Variants in OTOGL observed in about 807,000 individuals in gnomAD.
OTOGL encodes otogelin like, also known as otogelin-like protein.
OTOGL carries 285 observed loss-of-function variants against 318.5 expected under a neutral mutation model. That is an observed-to-expected ratio of 0.89 (90% CI 0.81 to 0.99). The LOEUF (loss-of-function observed/expected upper bound fraction) is 0.99, where lower values mean the gene tolerates loss of function less well. OTOGL is among the 50% of genes least tolerant of loss of function. OTOGL has a pLI of 0.00. For missense variants in OTOGL, 2,899 were observed against 2,845.6 expected, an observed-to-expected ratio of 1.02 and a Z score of -0.43; for synonymous variants, 987 against 936.5, an observed-to-expected ratio of 1.05 and a Z score of -0.99.
Position 80,377,839 on chromosome 12 carries a change from T to G in OTOGL, c.6862-9T>G. On this transcript the variant is annotated splice_polypyrimidine_tract_variant and intron_variant, in intron 58 of 58. Transcript: ENST00000547103. Reference sequence around the variant, plus strand: ...TTAAGACTTTTTTTCTCATTGTCACTTCTTACAGATAAATGTTGCATCTTG... The same window carrying G: ...TTAAGACTTTTTTTCTCATTGTCACGTCTTACAGATAAATGTTGCATCTTG... 1 of 1,595,266 alleles carries G rather than the reference T, an allele frequency of 6.3e-7. No homozygotes were observed. The highest frequency in any genetic ancestry group is 1.1e-5 in the South Asian group (1 of 89,514).
intron 38 of OTOGL, among the ~76,000 whole-genome samples, chr12:80,333,924 A>C (rs951982037): frequency 1.3e-5 from 2 of 152,188 alleles, no homozygotes; most frequent in Admixed American, 1.3e-4. Context: ...ACCTGTAAGT[A>C]ATAAAGGAAT....
intron 14 of OTOGL, 82 bp downstream of exon 14, chr12:80,253,656 T>A (rs1881773649): frequency 2.8e-6 from 3 of 1,055,870 alleles, no homozygotes; most frequent in Non-Finnish European, 4.2e-6. Flanking sequence ...TAAAGGAATA[T>A]ACTCATTACT....
chr12:80,266,781 A>C (rs1883012543), intron 21 of OTOGL, among the ~76,000 whole-genome samples, 165 bp downstream of exon 21: 1 of 152,124 alleles, frequency 6.6e-6, no homozygotes, highest in Admixed American at 6.6e-5. Flanking sequence ...GAAATAGCTA[A>C]GGAATCTCTG....
intron 1 of OTOGL, among the ~76,000 whole-genome samples, chr12:80,203,901 G>C (rs1351014982): frequency 6.6e-6 from 1 of 152,144 alleles, no homozygotes; most frequent in South Asian, 2.1e-4. Context: ...CTTCTAATAG[G>C]TTCGCTAGGT....
chr12:80,242,894 T>A (rs1287951516), intron 11 of OTOGL, among the ~76,000 whole-genome samples: 2 of 152,108 alleles, frequency 1.3e-5, no homozygotes, highest in Non-Finnish European at 2.9e-5. Flanking sequence ...ACATTTGACT[T>A]GGAACTTGTG....
At chr12:80,289,013 C>T (rs979648485) in intron 26 of OTOGL, among the ~76,000 whole-genome samples, 3 of 152,024 alleles carry the variant, frequency 2.0e-5, no homozygotes, top group African/African-American at 4.8e-5. Flanking sequence ...ATTTTTGTGC[C>T]GTTTTTGCTC....
At chr12:80,193,717 T>C (rs1394570849) in intron 1 of OTOGL, among the ~76,000 whole-genome samples, 1 of 152,138 alleles carries the variant, frequency 6.6e-6, no homozygotes, top group Admixed American at 6.5e-5. Flanking sequence ...GCCAGGAAGC[T>C]ATGGATGTTC....
At position 80,200,308 on chromosome 12, in the gene OTOGL, T is replaced by C. The variant is rs113414773; in HGVS notation, c.-19-9105T>C. 2.3e-3 allele frequency among the ~76,000 whole-genome samples: 345 copies of C among 152,318 alleles called. 1 individual carries two copies. The highest frequency in any genetic ancestry group is 7.8e-3 in the African/African-American group (324 of 41,568). ...GAAATAGTGCTCTGCCTTAGGTTTA[T>C]GTGTCCACAAATAAATGTGACTATG... On this transcript the variant is annotated intron_variant, in intron 1 of 58. Coordinates refer to ENST00000547103, the MANE Select transcript of OTOGL (RefSeq NM_001378609.3).
At chr12:80,319,007 T>G (rs1035784015) in intron 33 of OTOGL, among the ~76,000 whole-genome samples, 1 of 152,210 alleles carries the variant, frequency 6.6e-6, no homozygotes, top group Non-Finnish European at 1.5e-5. Context: ...CTTAATTTGA[T>G]GTTTTTGAAA....
intron 26 of OTOGL, among the ~76,000 whole-genome samples, 175 bp from the exon 27 acceptor site, chr12:80,296,652 T>C (rs1885418255): frequency 1.3e-5 from 2 of 152,256 alleles, no homozygotes; most frequent in East Asian, 3.9e-4. Context: ...TATCCTACTA[T>C]ATTTCTATAG....
At chr12:80,102,567 G>A (rs1427299027) in intron 1 of OTOGL, among the ~76,000 whole-genome samples, 1 of 152,096 alleles carries the variant, frequency 6.6e-6, no homozygotes, top group Non-Finnish European at 1.5e-5. Context: ...CACCCCTCTA[G>A]TTGTAGATAC....
chr12:80,259,077 A>AT (rs909654377), intron 18 of OTOGL, among the ~76,000 whole-genome samples: 1 of 151,368 alleles, frequency 6.6e-6, no homozygotes, highest in African/African-American at 2.4e-5. Context: ...AATGTATATA[A>AT]TTTTTTTTAG....
chr12:80,312,874 C>T (rs571609573), intron 30 of OTOGL, among the ~76,000 whole-genome samples: 3 of 151,920 alleles, frequency 2.0e-5, no homozygotes, highest in Non-Finnish European at 4.4e-5. Context: ...TGCAGTGGTG[C>T]GATCTCAGCT....
At chr12:80,282,904 C>A (rs1479093338) in intron 26 of OTOGL, among the ~76,000 whole-genome samples, 1 of 151,814 alleles carries the variant, frequency 6.6e-6, no homozygotes, top group East Asian at 1.9e-4. Context: ...TTACATAAGC[C>A]CCCACTCAGA....
At chr12:80,361,919 A>T (rs1018893927) in intron 52 of OTOGL, among the ~76,000 whole-genome samples, 13 of 151,922 alleles carry the variant, frequency 8.6e-5, no homozygotes, top group African/African-American at 2.9e-4. Context: ...ATATTCTCTC[A>T]CTCTATAGGT....
intron 58 of OTOGL, among the ~76,000 whole-genome samples, 170 bp from the exon 59 acceptor site, chr12:80,377,678 T>G (rs1206698731): frequency 6.6e-6 from 1 of 152,144 alleles, no homozygotes; most frequent in East Asian, 1.9e-4. Flanking sequence ...CCCTTTGACT[T>G]ATGTGACTGA....
Position 80,358,141 on chromosome 12 carries a change from A to G in OTOGL, c.6020-107A>G, listed in dbSNP as rs1890020283. On this transcript the variant is annotated intron_variant, in intron 49 of 58. Transcript: ENST00000547103. ...AAATATACCTCATGTTTCTTTTACT[A>G]TTTTCTTAAACAAAATTGATTTGAT... The G allele has an allele frequency of 1.7e-5, 13 of 751,342 alleles. No homozygotes were observed. The South Asian group carries it at 2.0e-4, about 11-fold the overall frequency. The allele number at this position is 751,342 out of a possible 1,614,324, so 46.5% of individuals were successfully genotyped here.
At chr12:80,305,193 C>T (rs1055074691) in intron 28 of OTOGL, among the ~76,000 whole-genome samples, 2 of 152,108 alleles carry the variant, frequency 1.3e-5, no homozygotes, top group African/African-American at 4.8e-5. Context: ...TTATGAATTA[C>T]ATATGTATAT....
rs115663757 is a variant in OTOGL, at chr12:80,156,184, G to A, written c.-19-53229G>A. Among the ~76,000 whole-genome samples the A allele has an allele frequency of 2.5e-3, 377 of 152,304 alleles. 2 individuals carry two copies. The highest frequency in any genetic ancestry group is 8.6e-3 in the African/African-American group (356 of 41,562). ...GGGCACAATCTAATTAGCTGCCAGC[G>A]TGGCCAGAATGGAAGCAGGCAGAAG... On this transcript the variant is annotated intron_variant, in intron 1 of 58. Transcript: ENST00000547103.
Sources: allele counts gnomAD v4.1 joint callset (sites outside exome capture counted in the v4.1 genomes callset), GRCh38; gene constraint gnomAD v4.1.1; transcripts MANE v1.5; gene names NCBI Gene and HGNC (gene_info 2026-07-23, HGNC 2026-07-21).